DCHS2: variants seen among roughly 807,000 people sequenced by gnomAD.
DCHS2 encodes protocadherin-23.
Under a neutral mutation model 182.4 loss-of-function variants are expected in DCHS2, and 142 were observed. The observed-to-expected ratio is 0.78, with a 90% CI of 0.68 to 0.89. The LOEUF is 0.89. Ranked by LOEUF, DCHS2 falls within the 40% of genes least tolerant of loss-of-function variation. The pLI is 0.00. For missense variants in DCHS2, 4,319 were observed against 4,198.6 expected (o/e 1.03, Z -0.79); for synonymous variants, 1,740 against 1,663.3 (o/e 1.05, Z -1.12).
chr4:154,351,651 G>A (rs188966491), intron 3 of DCHS2, among the ~76,000 whole-genome samples: 14 of 152,220 alleles, frequency 9.2e-5, no homozygotes, highest in African/African-American at 3.1e-4. Context: ...CAGGGCTGGC[G>A]GGGGAATGGT....
rs192458400 is a variant in DCHS2, at chr4:154,490,298, G to T, written c.1058C>A (p.Ala353Glu). The change falls in exon 1 of 20, where the codon GCG (alanine) becomes GAG (glutamate). Residue 353 changes from alanine to glutamate, a missense_variant. By Grantham distance (107) the Ala-to-Glu change is moderately radical (BLOSUM62 -1). Coordinates refer to ENST00000357232, the MANE Select transcript of DCHS2 (RefSeq NM_001358235.2). ...AGSGGGALGD[A>E]AYFAVEELSG... ...CAGCTCCTCCACCGCGAAGTAGGCC[G>T]CGTCGCCCAGTGCCCCGCCGCCGCT... 1,763 of 1,546,912 alleles carry T rather than the reference G, an allele frequency of 1.1e-3. 5 individuals are homozygous for T. In the African/African-American group the frequency reaches 0.013, roughly 11 times the overall value.
chr4:154,324,314 T>C lies in DCHS2; in HGVS notation c.4019-1826A>G, dbSNP rs565224627. On this transcript the variant is annotated intron_variant, in intron 7 of 19. Transcript: ENST00000357232. ...ATCCTAATAGTGTTTAGTAGCCTCCTTGTAACTGGTATGACAAAATGGTGC... is the reference window on the plus strand; with the variant it reads ...ATCCTAATAGTGTTTAGTAGCCTCCCTGTAACTGGTATGACAAAATGGTGC... Among the ~76,000 whole-genome samples, 4 of 152,314 alleles carry C rather than the reference T, an allele frequency of 2.6e-5. No individual in the cohort carries two copies. The South Asian group carries it at 8.3e-4, about 32-fold the overall frequency.
At chr4:154,261,056 A>G (rs1237868306) in intron 14 of DCHS2, among the ~76,000 whole-genome samples, 1 of 152,102 alleles carries the variant, frequency 6.6e-6, no homozygotes, top group Non-Finnish European at 1.5e-5. Context: ...CTTGGCTTTC[A>G]CTGTCAGCAA....
intron 16 of DCHS2, among the ~76,000 whole-genome samples, chr4:154,247,671 A>AAAAAAAAAAG (rs1560981730): frequency 7.0e-6 from 1 of 141,890 alleles, no homozygotes; most frequent in African/African-American, 2.7e-5. Context: ...AAAAAAAAAA[A>AAAAAAAAAAG]AGAATTAGAA....
At chr4:154,476,314 T>G (rs552859972) in intron 1 of DCHS2, among the ~76,000 whole-genome samples, 158 of 152,332 alleles carry the variant, frequency 1.0e-3, no homozygotes, top group African/African-American at 3.6e-3. Context: ...TCTGCTAATA[T>G]GCAAAATTCA....
intron 13 of DCHS2, among the ~76,000 whole-genome samples, chr4:154,275,946 T>A (rs1336825357): frequency 2.0e-5 from 3 of 152,156 alleles, no homozygotes; most frequent in Non-Finnish European, 2.9e-5. Context: ...CAAAAGAATT[T>A]CATTCAATGA....
At chr4:154,246,224 T>C (rs183504427) in intron 16 of DCHS2, among the ~76,000 whole-genome samples, 67 of 152,320 alleles carry the variant, frequency 4.4e-4, no homozygotes, top group African/African-American at 1.5e-3. Context: ...ATTATTTATG[T>C]TATTTTAAAT....
intron 1 of DCHS2, among the ~76,000 whole-genome samples, chr4:154,416,801 G>T (rs1732850615): frequency 6.6e-6 from 1 of 152,230 alleles, no homozygotes; most frequent in African/African-American, 2.4e-5. Flanking sequence ...AGGCAGGAAA[G>T]TGTCTGCTCC....
rs891605798 is a variant in DCHS2, at chr4:154,329,784, G to A, written c.3731-74C>T. On this transcript the variant is annotated intron_variant, in intron 5 of 19. Transcript: ENST00000357232. ...ACCAGGGCCAGAACCATTTCCAGAA[G>A]GAAAACCAAGTACAAAGCTTTGAGC... 1.7e-5 allele frequency: 23 copies of A among 1,350,866 alleles called. No individual in the cohort carries two copies. In the East Asian group the frequency reaches 5.1e-4, roughly 30 times the overall value. The allele number at this position is 1,350,866 out of a possible 1,614,324, so 83.7% of individuals were successfully genotyped here.
At chr4:154,420,442 A>G (rs1733064674) in intron 1 of DCHS2, among the ~76,000 whole-genome samples, 1 of 152,218 alleles carries the variant, frequency 6.6e-6, no homozygotes, top group African/African-American at 2.4e-5. Context: ...GGCATACCTC[A>G]GTACGTGTCC....
chr4:154,305,990 A>G (rs540298461), intron 10 of DCHS2, among the ~76,000 whole-genome samples: 3 of 152,254 alleles, frequency 2.0e-5, no homozygotes, highest in South Asian at 4.2e-4. Context: ...AGGTGTACAC[A>G]CAGTACTGAG....
chr4:154,372,522 T>C (rs140452664), intron 2 of DCHS2, among the ~76,000 whole-genome samples: 21 of 152,224 alleles, frequency 1.4e-4, no homozygotes, highest in African/African-American at 4.3e-4. Context: ...AATAGCTTTA[T>C]CTCAAACACA....
At chr4:154,473,795 C>T (rs552405575) in intron 1 of DCHS2, among the ~76,000 whole-genome samples, 35 of 152,294 alleles carry the variant, frequency 2.3e-4, no homozygotes, top group African/African-American at 8.2e-4. Context: ...AGAAACCAAC[C>T]AGAGTCCAGA....
At chr4:154,342,862 T>C (rs535505048) in intron 3 of DCHS2, among the ~76,000 whole-genome samples, 2 of 152,336 alleles carry the variant, frequency 1.3e-5, no homozygotes, top group South Asian at 4.2e-4. Flanking sequence ...TTCCAGAAAG[T>C]TTTCAATGTA....
chr4:154,262,859 G>A (rs1733053760), intron 14 of DCHS2, among the ~76,000 whole-genome samples: 1 of 152,184 alleles, frequency 6.6e-6, no homozygotes, highest in Admixed American at 6.5e-5. Context: ...GCTGCCATCT[G>A]TTATTTACAT....
chr4:154,298,476 A>G lies in DCHS2; in HGVS notation c.5838T>C (p.Ala1946=), dbSNP rs1032613483. The part of the protein sequence containing the change: ...LYYQSSVRED[A]EVGTVVLVLS... ...GCACAAGAACCACTGTTCCCACTTC[A>G]GCATCTTCTCTCACAGAGGACTGGT... Residue 1946 remains alanine, a synonymous_variant, in exon 13 of 20, where the codon GCT becomes GCC. Transcript: ENST00000357232. The G allele has an allele frequency of 2.5e-6, 4 of 1,614,036 alleles. No homozygotes were observed. The highest frequency in any genetic ancestry group is 3.4e-6 in the Non-Finnish European group (4 of 1,180,006).
In DCHS2 at chr4:154,491,114, G is replaced by C; in HGVS notation, c.242C>G (p.Thr81Arg). The C allele has an allele frequency of 6.4e-7, 1 of 1,551,500 alleles. No individual in the cohort carries two copies. Among genetic ancestry groups the C allele is most frequent in the Non-Finnish European group, 8.7e-7 (1 of 1,146,940 alleles). Residue 81 changes from threonine to arginine, a missense_variant, in exon 1 of 20, where the codon ACG becomes AGG. Coordinates refer to ENST00000357232, the MANE Select transcript of DCHS2 (RefSeq NM_001358235.2). ...CCCGGCGCGGATGTCACCTACCAGCGTGTCCGGGGGAAGCCCCTCATCTAC... is the reference window on the plus strand; with the variant it reads ...CCCGGCGCGGATGTCACCTACCAGCCTGTCCGGGGGAAGCCCCTCATCTAC... The part of the protein sequence containing the change: ...LSVDEGLPPD[T>R]LVGDIRAGLP...
intron 13 of DCHS2, among the ~76,000 whole-genome samples, chr4:154,275,462 C>T (rs1008307480): frequency 6.6e-6 from 1 of 152,106 alleles, no homozygotes; most frequent in African/African-American, 2.4e-5. Flanking sequence ...AGTTACCACA[C>T]ATGTTGAGAA....
intron 12 of DCHS2, among the ~76,000 whole-genome samples, chr4:154,299,985 C>T (rs1208805558): frequency 1.3e-5 from 2 of 152,140 alleles, no homozygotes; most frequent in African/African-American, 4.8e-5. Flanking sequence ...TTAGTAAGTT[C>T]AAGAAATGCT....
Sources: gnomAD v4.1 joint callset for allele counts (sites outside exome capture counted in the v4.1 genomes callset) on GRCh38, gnomAD v4.1.1 for gene constraint, MANE v1.5 for transcripts, NCBI Gene and HGNC (gene_info 2026-07-23, HGNC 2026-07-21) for gene names.